BCAP29: variants seen among roughly 807,000 people sequenced by gnomAD.
The protein encoded by BCAP29 is B-cell receptor-associated protein 29.
In BCAP29, 34 loss-of-function variants were observed where a neutral mutation model predicts 31.8. The observed-to-expected ratio is 1.07, with a 90% confidence interval of 0.81 to 1.42. The LOEUF (loss-of-function observed/expected upper bound fraction) is 1.42. Among genes scored for constraint, BCAP29 ranks in the 40% most tolerant of loss-of-function variants. The pLI is 0.00. For missense variants in BCAP29, 314 were observed against 269.2 expected, an observed-to-expected ratio of 1.17 and a Z score of -1.16; for synonymous variants, 104 against 91.3, an observed-to-expected ratio of 1.14 and a Z score of -0.79.
chr7:107,602,488 G>A (rs1811336894), intron 6 of BCAP29, among the ~76,000 whole-genome samples: 1 of 151,824 alleles, frequency 6.6e-6, no homozygotes, highest in African/African-American at 2.4e-5. Context: ...AAATATTGAG[G>A]GTGTTAAGGT....
intron 5 of BCAP29, among the ~76,000 whole-genome samples, chr7:107,596,562 T>C (rs181541081): frequency 2.4e-4 from 36 of 152,192 alleles, no homozygotes; most frequent in Admixed American, 1.6e-3. Flanking sequence ...AAAGCTTTGA[T>C]TGATAGTGTT....
chr7:107,618,575 A>C lies in BCAP29; in HGVS notation c.*212A>C, dbSNP rs1332830962. 2.5e-6 allele frequency: 4 copies of C among 1,594,214 alleles called. No individual in the cohort carries two copies. Among genetic ancestry groups the C allele is most frequent in the Middle Eastern group, 1.7e-4 (1 of 5,738 alleles). On this transcript the variant is annotated 3_prime_UTR_variant, in exon 8 of 8. Coordinates refer to ENST00000005259, the MANE Select transcript of BCAP29 (RefSeq NM_018844.4). ...GTATTCCAGCTCTTAAGAAAAATAT[A>C]AGCATGTTAAATACCATATTTACAT...
chr7:107,581,976 A>T (rs1266612691), intron 2 of BCAP29, among the ~76,000 whole-genome samples: 1 of 152,196 alleles, frequency 6.6e-6, no homozygotes, highest in Non-Finnish European at 1.5e-5. Flanking sequence ...TAAGTGACAG[A>T]TTCTAGAAAA....
chr7:107,611,802 G>A (rs1337562090), intron 6 of BCAP29, among the ~76,000 whole-genome samples: 1 of 152,178 alleles, frequency 6.6e-6, no homozygotes, highest in Non-Finnish European at 1.5e-5. Context: ...GGAACATGGA[G>A]GAAATTATAG....
intron 3 of BCAP29, among the ~76,000 whole-genome samples, chr7:107,586,547 C>G (rs549411181): frequency 2.4e-4 from 37 of 152,072 alleles, no homozygotes; most frequent in Non-Finnish European, 4.0e-4. Context: ...AAGATTTAAA[C>G]GCAGTAACAT....
At chr7:107,613,837 G>T in intron 7 of BCAP29, 3 of 781,992 alleles carry the variant, frequency 3.8e-6, no homozygotes, top group Non-Finnish European at 6.3e-6. Context: ...AGACATATTA[G>T]GACAAGACTT....
intron 6 of BCAP29, among the ~76,000 whole-genome samples, chr7:107,607,092 A>C (rs1812242719): frequency 6.6e-6 from 1 of 152,188 alleles, no homozygotes. Context: ...GGGCAGGTGG[A>C]TCATTTGAGC....
chr7:107,593,952 T>A lies in BCAP29; in HGVS notation c.194-3T>A. 1.2e-6 allele frequency: 2 copies of A among 1,603,396 alleles called. No individual in the cohort carries two copies. The highest frequency in any genetic ancestry group is 1.3e-5 in the African/African-American group (1 of 74,236). Reference sequence around the variant, plus strand: ...AGTACTGTTTTCTTTTGTTCTGTAATAGATGCTGTGAGAGAAGTAAGGAAA... The same window carrying A: ...AGTACTGTTTTCTTTTGTTCTGTAAAAGATGCTGTGAGAGAAGTAAGGAAA... On this transcript the variant is annotated splice_polypyrimidine_tract_variant and splice_region_variant and intron_variant, in intron 3 of 7. Transcript: ENST00000005259.
chr7:107,612,973 A>G (rs986752296), intron 6 of BCAP29, among the ~76,000 whole-genome samples: 2 of 152,184 alleles, frequency 1.3e-5, no homozygotes, highest in African/African-American at 4.8e-5. Context: ...GACATGATTA[A>G]GACAGTTCCA....
At chr7:107,583,265 A>G (rs1585032694) in intron 2 of BCAP29, among the ~76,000 whole-genome samples, 1 of 151,944 alleles carries the variant, frequency 6.6e-6, no homozygotes, top group East Asian at 1.9e-4. Context: ...CATTTCCTCT[A>G]TGTTCACATC....
chr7:107,620,015 C>T lies in BCAP29; in HGVS notation c.*1652C>T, dbSNP rs1814784864. The T allele has an allele frequency of 6.6e-6, 1 of 152,160 alleles. No individual in the cohort carries two copies. The highest frequency in any genetic ancestry group is 1.5e-5 in the Non-Finnish European group (1 of 68,034). 9.4% of individuals were successfully genotyped at this position (152,160 alleles called of 1,614,324 possible). On this transcript the variant is annotated 3_prime_UTR_variant, in exon 8 of 8. Transcript: ENST00000005259. ...TATAAACTAAGATAATACAGTGATT[C>T]TCAAAGTTGTTCAGACTGTATAGTA... is the stretch of plus-strand genomic sequence containing the variant.
At chr7:107,600,257 G>A (rs763855434) in intron 5 of BCAP29, 140 bp from the exon 6 acceptor site, 11 of 684,158 alleles carry the variant, frequency 1.6e-5, no homozygotes, top group Non-Finnish European at 2.9e-5. Context: ...GTACATTGTA[G>A]AAAACTATAA....
chr7:107,613,742 G>T (rs770584854), intron 7 of BCAP29: 32 of 1,611,130 alleles, frequency 2.0e-5, no homozygotes, highest in Non-Finnish European at 2.5e-6. Context: ...GGTGAGTTTT[G>T]CTCTTTGGGA....
chr7:107,612,862 G>A (rs1813480188), intron 6 of BCAP29, among the ~76,000 whole-genome samples: 1 of 152,018 alleles, frequency 6.6e-6, no homozygotes, highest in African/African-American at 2.4e-5. Flanking sequence ...TAATGGTAGG[G>A]AATTATTCCA....
chr7:107,609,715 C>T (rs1812789947), intron 6 of BCAP29, among the ~76,000 whole-genome samples: 1 of 152,150 alleles, frequency 6.6e-6, no homozygotes, highest in Non-Finnish European at 1.5e-5. Flanking sequence ...GGAAGCATTA[C>T]TGTAGATTAA....
At chr7:107,588,508 A>T (rs1808125093) in intron 3 of BCAP29, among the ~76,000 whole-genome samples, 1 of 152,234 alleles carries the variant, frequency 6.6e-6, no homozygotes, top group African/African-American at 2.4e-5. Flanking sequence ...CTGTGTTAAA[A>T]ATTATGAACC....
chr7:107,598,400 C>CA (rs998937110), intron 5 of BCAP29, among the ~76,000 whole-genome samples: 3 of 151,942 alleles, frequency 2.0e-5, no homozygotes, highest in African/African-American at 7.3e-5. Context: ...CTCCCTTCTC[C>CA]AAAAAACAGT....
chr7:107,610,811 AT>A (rs1812988276), intron 6 of BCAP29, among the ~76,000 whole-genome samples: 1 of 152,198 alleles, frequency 6.6e-6, no homozygotes, highest in African/African-American at 2.4e-5. Context: ...GATATCTAAG[AT>A]ATATTAAATT....
In BCAP29 at chr7:107,618,378, A is replaced by C; in HGVS notation, c.*15A>C. The C allele has an allele frequency of 6.2e-7, 1 of 1,609,258 alleles. No homozygotes were observed. The highest frequency in any genetic ancestry group is 1.3e-5 in the African/African-American group (1 of 74,778). On this transcript the variant is annotated 3_prime_UTR_variant, in exon 8 of 8. Coordinates refer to ENST00000005259, the MANE Select transcript of BCAP29 (RefSeq NM_018844.4). ...AAAGACTGTGAACTTTATAAAAGAC[A>C]CTTGCAATATACTGTGTCAAAATGA...
Sources: allele counts gnomAD v4.1 joint callset (sites outside exome capture counted in the v4.1 genomes callset), GRCh38; gene constraint gnomAD v4.1.1; transcripts MANE v1.5; gene names NCBI Gene and HGNC (gene_info 2026-07-23, HGNC 2026-07-21).